The following UBE4B variants were observed in gnomAD, a reference collection of about 807,000 sequenced individuals.
The protein encoded by UBE4B is ubiquitination factor E4B, also known as ubiquitin conjugation factor E4 B.
Under a neutral mutation model 148.1 loss-of-function variants are expected in UBE4B, and 27 were observed. The observed-to-expected ratio is 0.18, with a 90% CI of 0.13 to 0.25. The LOEUF (loss-of-function observed/expected upper bound fraction) is 0.25. Among genes scored for constraint, UBE4B ranks in the 10% least tolerant of loss-of-function variants. UBE4B has a pLI of 1.00. For missense variants in UBE4B, 1,170 were observed against 1,662.4 expected, an observed-to-expected ratio of 0.70 and a Z score of 5.15; for synonymous variants, 596 against 619.3, an observed-to-expected ratio of 0.96 and a Z score of 0.56.
intron 25 of UBE4B, among the ~76,000 whole-genome samples, chr1:10,173,094 G>A (rs941041533): frequency 6.6e-6 from 1 of 152,188 alleles, no homozygotes; most frequent in African/African-American, 2.4e-5. Context: ...TTCTCAGAGC[G>A]ACACATGACT....
chr1:10,166,673 C>T (rs1222750547), intron 23 of UBE4B, among the ~76,000 whole-genome samples: 1 of 152,090 alleles, frequency 6.6e-6, no homozygotes, highest in Admixed American at 6.6e-5. Context: ...CCTGTAATCC[C>T]AGCTCTTTGG....
intron 17 of UBE4B, among the ~76,000 whole-genome samples, chr1:10,140,370 TA>T (rs1645765060): frequency 6.6e-6 from 1 of 152,252 alleles, no homozygotes; most frequent in Non-Finnish European, 1.5e-5. Flanking sequence ...AAATTTACTT[TA>T]TAGCCTTTTA....
chr1:10,094,211 AGTTTCAC>A (rs1285722947), intron 2 of UBE4B, among the ~76,000 whole-genome samples: 2 of 152,166 alleles, frequency 1.3e-5, no homozygotes, highest in Non-Finnish European at 2.9e-5. Flanking sequence ...TAGTGACTAC[AGTTTCAC>A]TGTACTGTCA....
At position 10,068,717 on chromosome 1, in the gene UBE4B, C is replaced by A. The variant is rs1428814404; in HGVS notation, c.25-3311C>A. On this transcript the variant is annotated intron_variant, in intron 1 of 27. Coordinates refer to ENST00000343090, the MANE Select transcript of UBE4B (RefSeq NM_001105562.3). The stretch of plus-strand genomic sequence containing the variant: ...CCCAGGCTGGAGGTAAACCTTTATA[C>A]CTGTGATTGCACAAAGCCATTCTCT... Among the ~76,000 whole-genome samples the A allele has an allele frequency of 2.6e-5, 4 of 152,316 alleles. No homozygotes were observed. The East Asian group carries it at 7.7e-4, about 29-fold the overall frequency.
In UBE4B at chr1:10,085,653, G is replaced by GT. The variant is rs200027493; in HGVS notation, c.212-9799dup. 8.8e-4 allele frequency among the ~76,000 whole-genome samples: 133 copies of GT among 151,732 alleles called. 1 individual carries two copies. The highest frequency in any genetic ancestry group is 4.6e-3 in the Admixed American group (70 of 15,214). ...TTAATGCAACTGTAAAGGGTTATAG[G>GT]TTTTTTTTTAACATCAGTTCTATCA... On this transcript the variant is annotated intron_variant, in intron 2 of 27. Coordinates refer to ENST00000343090, the MANE Select transcript of UBE4B (RefSeq NM_001105562.3).
chr1:10,062,675 G>C (rs1008811485), intron 1 of UBE4B, among the ~76,000 whole-genome samples: 3 of 152,234 alleles, frequency 2.0e-5, no homozygotes, highest in Admixed American at 6.5e-5. Context: ...ATGATAGTGA[G>C]GCCAGGTGCG....
At chr1:10,179,631 T>C (rs1646477207) in intron 27 of UBE4B, 69 bp downstream of exon 27, 8 of 1,590,158 alleles carry the variant, frequency 5.0e-6, no homozygotes, top group South Asian at 2.2e-5. Context: ...AAGTCACATA[T>C]TGGAGATGAA....
intron 2 of UBE4B, among the ~76,000 whole-genome samples, chr1:10,084,186 C>G (rs1644728051): frequency 1.3e-5 from 2 of 152,158 alleles, no homozygotes; most frequent in Admixed American, 6.5e-5. Flanking sequence ...TGTGCCCAAG[C>G]CTAGCAAAGG....
intron 2 of UBE4B, among the ~76,000 whole-genome samples, chr1:10,090,658 G>T (rs1308323199): frequency 6.6e-6 from 1 of 152,116 alleles, no homozygotes; most frequent in Non-Finnish European, 1.5e-5. Context: ...TTGATCAAGC[G>T]ATCCTCTTGC....
Position 10,158,501 on chromosome 1 carries a change from G to T in UBE4B, c.3053+19G>T. 1 of 1,607,408 alleles carries T rather than the reference G, an allele frequency of 6.2e-7. No homozygotes were observed. Among genetic ancestry groups the T allele is most frequent in the Non-Finnish European group, 8.5e-7 (1 of 1,176,504 alleles). On this transcript the variant is annotated intron_variant, in intron 22 of 27. Transcript: ENST00000343090. ...AGTTCAAGTGAGTATGGGGCCCCTC[G>T]TGTCACAACTTGCTTTCTTGCAAAT...
intron 21 of UBE4B, 126 bp from the exon 22 acceptor site, chr1:10,158,230 T>C: frequency 8.0e-7 from 1 of 1,245,940 alleles, no homozygotes; most frequent in Non-Finnish European, 1.1e-6. Flanking sequence ...GCAAAAGAAG[T>C]GCAAAATTTC....
intron 23 of UBE4B, among the ~76,000 whole-genome samples, chr1:10,167,727 G>A (rs1385642665): frequency 6.6e-6 from 1 of 151,636 alleles, no homozygotes; most frequent in South Asian, 2.1e-4. Flanking sequence ...CAAGTAGCTG[G>A]GACTACAGCC....
chr1:10,093,288 G>A (rs1365005271), intron 2 of UBE4B, among the ~76,000 whole-genome samples: 1 of 152,132 alleles, frequency 6.6e-6, no homozygotes, highest in East Asian at 1.9e-4. Context: ...TAAGAACCTT[G>A]TGATGGTGTA....
At position 10,179,943 on chromosome 1, in the gene UBE4B, A is replaced by G. The variant is rs775921159; in HGVS notation, c.3896A>G (p.Asn1299Ser). ...CAGGCGTGGATGAGAGAGAAACAGA[A>G]CAGCGATCACTAAACCGTTCCGCCG... ...QIQAWMREKQNSDH is the reference protein window; with the variant it reads ...QIQAWMREKQSSDH Residue 1299 changes from asparagine to serine, a missense_variant, in exon 28 of 28, where the codon AAC (asparagine) becomes AGC (serine). Coordinates refer to ENST00000343090, the MANE Select transcript of UBE4B (RefSeq NM_001105562.3). 2.5e-6 allele frequency: 4 copies of G among 1,614,148 alleles called. No homozygotes were observed. The highest frequency in any genetic ancestry group is 3.4e-6 in the Non-Finnish European group (4 of 1,180,030).
intron 23 of UBE4B, among the ~76,000 whole-genome samples, chr1:10,167,847 G>T (rs1302993218): frequency 6.6e-6 from 1 of 152,062 alleles, no homozygotes; most frequent in Admixed American, 6.6e-5. Flanking sequence ...CCTTGGCTTC[G>T]CAAAGTGCTG....
intron 21 of UBE4B, among the ~76,000 whole-genome samples, chr1:10,153,539 G>C (rs906226616): frequency 4.0e-5 from 6 of 148,924 alleles, no homozygotes; most frequent in African/African-American, 1.2e-4. Context: ...ACTGGGTTTC[G>C]GCCAGGCACA....
intron 10 of UBE4B, among the ~76,000 whole-genome samples, chr1:10,125,999 T>A (rs1645486527): frequency 6.6e-6 from 1 of 152,158 alleles, no homozygotes; most frequent in South Asian, 2.1e-4. Flanking sequence ...GGGAAAAGCT[T>A]TTAAAAAATA....
At chr1:10,135,735 C>CA (rs33967541) in intron 16 of UBE4B, among the ~76,000 whole-genome samples, 91,208 of 111,164 alleles carry the variant, frequency 0.82, 37,253 homozygotes, top group African/African-American at 0.92. Flanking sequence ...GACTCTGTCT[C>CA]AAAAAAAAAA....
At chr1:10,075,202 G>A (rs1644557846) in intron 2 of UBE4B, among the ~76,000 whole-genome samples, 1 of 152,232 alleles carries the variant, frequency 6.6e-6, no homozygotes. Context: ...AAATGAGCAA[G>A]TGTAACTGTG....
Sources: allele counts gnomAD v4.1 joint callset (sites outside exome capture counted in the v4.1 genomes callset), GRCh38; gene constraint gnomAD v4.1.1; transcripts MANE v1.5; gene names NCBI Gene and HGNC (gene_info 2026-07-23, HGNC 2026-07-21).